Variants in POLDIP2 observed in about 807,000 individuals in gnomAD.
POLDIP2 encodes DNA polymerase delta interacting protein 2, also known as polymerase delta-interacting protein 2.
Under a neutral mutation model 52.9 loss-of-function variants are expected in POLDIP2, and 32 were observed. That is an observed-to-expected ratio of 0.61 (90% CI 0.46 to 0.81). The LOEUF (loss-of-function observed/expected upper bound fraction) is 0.81, where lower values mean the gene tolerates loss of function less well. Ranked by LOEUF, POLDIP2 falls within the 40% of genes least tolerant of loss-of-function variation. POLDIP2 has a pLI of 0.00. For missense variants in POLDIP2, 371 were observed against 477.3 expected (o/e 0.78, Z 2.07); for synonymous variants, 183 against 183.0 (o/e 1.00, Z 0.00).
rs569362068 is a variant in POLDIP2 at position 28,346,870 on chromosome 17, T to G, written c.*1247A>C. ...ATTGGGTTTTATTGAATTTGGTATGTGACCAAGGTCGGCCTAAAGGATGGC... is the reference window on the plus strand; with the variant it reads ...ATTGGGTTTTATTGAATTTGGTATGGGACCAAGGTCGGCCTAAAGGATGGC... On this transcript the variant is annotated 3_prime_UTR_variant, in exon 11 of 11. Coordinates refer to ENST00000540200, the MANE Select transcript of POLDIP2 (RefSeq NM_015584.5). The G allele has an allele frequency of 6.6e-6, 1 of 152,368 alleles. No homozygotes were observed. The highest frequency in any genetic ancestry group is 1.5e-5 in the Non-Finnish European group (1 of 68,032). 9.4% of individuals were successfully genotyped at this position (152,368 alleles called of 1,614,324 possible).
rs1256531706 is a variant in POLDIP2 at position 28,346,946 on chromosome 17, T to C, written c.*1171A>G. Reference sequence around the variant, plus strand: ...TTCCTTTATCACATAACTGTAATATTTGGTTGCTCAGCATAAGTGATGGAA... The same window carrying C: ...TTCCTTTATCACATAACTGTAATATCTGGTTGCTCAGCATAAGTGATGGAA... On this transcript the variant is annotated 3_prime_UTR_variant, in exon 11 of 11. Coordinates refer to ENST00000540200, the MANE Select transcript of POLDIP2 (RefSeq NM_015584.5). 6.6e-6 allele frequency: 1 copy of C among 152,204 alleles called. No individual in the cohort carries two copies. The highest frequency in any genetic ancestry group is 1.5e-5 in the Non-Finnish European group (1 of 68,042). 9.4% of individuals were successfully genotyped at this position (152,204 alleles called of 1,614,324 possible).
intron 4 of POLDIP2, 88 bp downstream of exon 4, chr17:28,353,607 T>C: frequency 2.2e-6 from 2 of 899,778 alleles, no homozygotes; most frequent in Non-Finnish European, 1.8e-6. Flanking sequence ...CTGGGCTCTG[T>C]TTGACCCCCT....
At chr17:28,349,012 T>C (rs1597798733) in intron 10 of POLDIP2, 71 bp downstream of exon 10, 5 of 1,057,340 alleles carry the variant, frequency 4.7e-6, no homozygotes, top group Admixed American at 2.1e-5. Flanking sequence ...AGCTCTAAGC[T>C]CTCACTTTTC....
intron 10 of POLDIP2, 24 bp from the exon 11 acceptor site, chr17:28,348,255 TAGA>T (rs1555579331): frequency 5.2e-6 from 8 of 1,551,552 alleles, no homozygotes; most frequent in Non-Finnish European, 7.1e-6. Context: ...GAAGCTGGTT[TAGA>T]AGGAGCCAGG....
In POLDIP2 at chr17:28,348,064, T is replaced by G; in HGVS notation, c.*53A>C. 405 of 983,414 alleles carry G rather than the reference T, an allele frequency of 4.1e-4. No homozygotes were observed. The highest frequency in any genetic ancestry group is 5.9e-4 in the Non-Finnish European group (362 of 609,612). The allele number at this position is 983,414 out of a possible 1,614,324, so 60.9% of individuals were successfully genotyped here. A position where few individuals can be genotyped will look rare whatever the true frequency, so the allele number is the denominator to read the frequency against. ...GAAGAGTTCTGCAGCAATTGTGGGA[T>G]GAGAGTTGTTCTTCCCGGTGACCAA... is the stretch of plus-strand genomic sequence containing the variant. On this transcript the variant is annotated 3_prime_UTR_variant, in exon 11 of 11. Coordinates refer to ENST00000540200, the MANE Select transcript of POLDIP2 (RefSeq NM_015584.5).
chr17:28,356,694 C>A (rs554405718), intron 1 of POLDIP2, among the ~76,000 whole-genome samples: 1 of 152,284 alleles, frequency 6.6e-6, no homozygotes, highest in East Asian at 1.9e-4. Flanking sequence ...CAAATAAAGG[C>A]TGTTTTTACT....
chr17:28,353,647 G>T, intron 4 of POLDIP2, 48 bp downstream of exon 4: 1 of 1,312,206 alleles, frequency 7.6e-7, no homozygotes, highest in South Asian at 1.2e-5. Context: ...TGGGATGCAG[G>T]ACTTTCCATG....
At chr17:28,353,199 G>A in intron 5 of POLDIP2, 42 bp downstream of exon 5, 2 of 974,198 alleles carry the variant, frequency 2.1e-6, no homozygotes, top group Admixed American at 1.8e-5. Flanking sequence ...AGACACACCA[G>A]ACTCCTTCTT....
rs1376253650 is a variant in POLDIP2 at position 28,348,028 on chromosome 17, T to A, written c.*89A>T. On this transcript the variant is annotated 3_prime_UTR_variant, in exon 11 of 11. Transcript: ENST00000540200. ...AAATTAAGAGACCCACTGTGGCCCA[T>A]GATGGGGAGAGAAGAGTTCTGCAGC... 1.3e-6 allele frequency: 1 copy of A among 755,218 alleles called. No individual in the cohort carries two copies. The highest frequency in any genetic ancestry group is 1.7e-5 in the African/African-American group (1 of 57,204). The allele number at this position is 755,218 out of a possible 1,614,324, so 46.8% of individuals were successfully genotyped here. A position where few individuals can be genotyped will look rare whatever the true frequency, so the allele number is the denominator to read the frequency against.
chr17:28,348,052 G>T lies in POLDIP2; in HGVS notation c.*65C>A. 1.1e-6 allele frequency: 1 copy of T among 905,642 alleles called. No individual in the cohort carries two copies. Among genetic ancestry groups the T allele is most frequent in the Non-Finnish European group, 1.8e-6 (1 of 544,816 alleles). The allele number at this position is 905,642 out of a possible 1,614,324, so 56.1% of individuals were successfully genotyped here. A position where few individuals can be genotyped will look rare whatever the true frequency, so the allele number is the denominator to read the frequency against. ...ATGATGGGGAGAGAAGAGTTCTGCA[G>T]CAATTGTGGGATGAGAGTTGTTCTT... On this transcript the variant is annotated 3_prime_UTR_variant, in exon 11 of 11. Transcript: ENST00000540200.
chr17:28,352,817 G>A (rs1159807636), intron 6 of POLDIP2, 95 bp downstream of exon 6: 2 of 746,292 alleles, frequency 2.7e-6, no homozygotes, highest in Non-Finnish European at 4.6e-6. Flanking sequence ...GGGATTACAG[G>A]CGTGAGCCAC....
chr17:28,350,102 C>T (rs527332528), intron 9 of POLDIP2, among the ~76,000 whole-genome samples: 19 of 152,120 alleles, frequency 1.2e-4, no homozygotes, highest in Non-Finnish European at 2.2e-4. Context: ...CCCCACCTAA[C>T]GACATTCAAA....
intron 6 of POLDIP2, among the ~76,000 whole-genome samples, chr17:28,352,548 T>C (rs2142396908): frequency 6.7e-6 from 1 of 148,902 alleles, no homozygotes; most frequent in African/African-American, 2.5e-5. Context: ...TTTTTTTTTT[T>C]TTTTCCTGAG....
chr17:28,354,632 A>G (rs376590313), intron 2 of POLDIP2, 47 bp from the exon 3 acceptor site: 2 of 1,308,858 alleles, frequency 1.5e-6, no homozygotes, highest in Non-Finnish European at 2.2e-6. Context: ...CAGCAAATCC[A>G]TCCAGGTGGG....
chr17:28,355,633 TAAATA>T (rs1258114543), intron 2 of POLDIP2, among the ~76,000 whole-genome samples, 157 bp downstream of exon 2: 7 of 151,562 alleles, frequency 4.6e-5, no homozygotes, highest in Non-Finnish European at 7.4e-5. Context: ...ATAAAATAAA[TAAATA>T]AAATAAAAAA....
Position 28,351,745 on chromosome 17 carries a change from G to A in POLDIP2, c.678C>T (p.Pro226=). 6.2e-7 allele frequency: 1 copy of A among 1,613,722 alleles called. No individual in the cohort carries two copies. The highest frequency in any genetic ancestry group is 8.5e-7 in the Non-Finnish European group (1 of 1,179,616). The change falls in exon 7 of 11, where the codon CCC becomes CCT. Residue 226 remains proline, a synonymous_variant. Transcript: ENST00000540200. ...TLRAWQEKNH[P]WLELSDVHRE... ...GATGAACATCGGAGAGCTCCAGCCAGGGGTGATTCTTCTCTTGCCAGGCCC... is the reference window on the plus strand; with the variant it reads ...GATGAACATCGGAGAGCTCCAGCCAAGGGTGATTCTTCTCTTGCCAGGCCC...
chr17:28,355,972 C>T (rs1160815323), intron 1 of POLDIP2, 96 bp from the exon 2 acceptor site: 9 of 876,328 alleles, frequency 1.0e-5, no homozygotes, highest in Non-Finnish European at 1.5e-5. Flanking sequence ...GGGGCCAGGG[C>T]GATGACAGCA....
chr17:28,347,278 TGCA>T lies in POLDIP2; in HGVS notation c.*836_*838del, dbSNP rs1347232134. On this transcript the variant is annotated 3_prime_UTR_variant, in exon 11 of 11. Coordinates refer to ENST00000540200, the MANE Select transcript of POLDIP2 (RefSeq NM_015584.5). ...AGAAATCCTAAGAATTGGGGCAAGA[TGCA>T]GCACAATTCATCTCTGGCTCTTGGA... is the stretch of plus-strand genomic sequence containing the variant. The T allele has an allele frequency of 6.6e-6, 1 of 152,230 alleles. No individual in the cohort carries two copies. Among genetic ancestry groups the T allele is most frequent in the Non-Finnish European group, 1.5e-5 (1 of 68,044 alleles). 9.4% of individuals were successfully genotyped at this position (152,230 alleles called of 1,614,324 possible).
intron 6 of POLDIP2, among the ~76,000 whole-genome samples, 160 bp from the exon 7 acceptor site, chr17:28,351,960 C>A (rs556435454): frequency 9.8e-5 from 15 of 152,312 alleles, no homozygotes; most frequent in Admixed American, 5.9e-4. Context: ...AAAGTTCAGG[C>A]TGGAAGAAGG....
Sources: allele counts gnomAD v4.1 joint callset (sites outside exome capture counted in the v4.1 genomes callset), GRCh38; gene constraint gnomAD v4.1.1; transcripts MANE v1.5; gene names NCBI Gene and HGNC (gene_info 2026-07-23, HGNC 2026-07-21).